CPNE3: variants seen among roughly 807,000 people sequenced by gnomAD.
The protein encoded by CPNE3 is copine 3.
Under a neutral mutation model 63.9 loss-of-function variants are expected in CPNE3, and 68 were observed. The observed-to-expected ratio is 1.06, with a 90% CI of 0.87 to 1.30. The LOEUF is 1.30. Among genes scored for constraint, CPNE3 ranks in the 50% most tolerant of loss-of-function variants. The pLI, the probability that CPNE3 is intolerant of heterozygous loss-of-function variation, is 0.00. For synonymous variants in CPNE3, 219 were observed against 197.5 expected, an observed-to-expected ratio of 1.11 and a Z score of -0.91; for missense variants, 665 against 578.1, an observed-to-expected ratio of 1.15 and a Z score of -1.54.
chr8:86,545,923 T>A (rs1462907229), intron 9 of CPNE3, among the ~76,000 whole-genome samples: 1 of 151,802 alleles, frequency 6.6e-6, no homozygotes, highest in Non-Finnish European at 1.5e-5. Flanking sequence ...TTTAAAGAGG[T>A]AGATAGAGAT....
In CPNE3 at chr8:86,528,558, T is replaced by C; in HGVS notation, c.13T>C (p.Cys5Arg). 1.2e-6 allele frequency: 2 copies of C among 1,613,784 alleles called. No homozygotes were observed. The highest frequency in any genetic ancestry group is 1.3e-5 in the African/African-American group (1 of 75,008). MAAQ[C>R]VTKVALNVSC... Reference sequence around the variant, plus strand: ...CAGAACTCAAGACATGGCTGCCCAGTGTGTCACAAAGGTGGCGCTGAATGT... The same window carrying C: ...CAGAACTCAAGACATGGCTGCCCAGCGTGTCACAAAGGTGGCGCTGAATGT... Residue 5 changes from cysteine to arginine, a missense_variant, in exon 3 of 17, where the codon TGT becomes CGT. Cys to Arg is a radical substitution (Grantham distance 180). Coordinates refer to ENST00000517490, the MANE Select transcript of CPNE3 (RefSeq NM_003909.5).
chr8:86,532,385 A>G (rs1466403086), intron 5 of CPNE3, 124 bp from the exon 6 acceptor site: 4 of 605,016 alleles, frequency 6.6e-6, no homozygotes, highest in African/African-American at 5.7e-5. Flanking sequence ...TTTTCTTATG[A>G]AACATTTTAG....
chr8:86,531,249 C>T lies in CPNE3; in HGVS notation c.387+20C>T, dbSNP rs753822116. 1 of 993,102 alleles carries T rather than the reference C, an allele frequency of 1.0e-6. No homozygotes were observed. The highest frequency in any genetic ancestry group is 1.6e-6 in the Non-Finnish European group (1 of 612,404). 61.5% of individuals were successfully genotyped at this position (993,102 alleles called of 1,614,324 possible). A position where few individuals can be genotyped will look rare whatever the true frequency, so the allele number is the denominator to read the frequency against. ...ATTACGGTAAAAATAAGATATTTGT[C>T]TTTTGTCTCAAAAGATTTAGCATAA... On this transcript the variant is annotated intron_variant, in intron 5 of 16. Coordinates refer to ENST00000517490, the MANE Select transcript of CPNE3 (RefSeq NM_003909.5).
chr8:86,544,144 A>T (rs919900430), intron 8 of CPNE3, among the ~76,000 whole-genome samples: 1 of 151,840 alleles, frequency 6.6e-6, no homozygotes, highest in African/African-American at 2.4e-5. Flanking sequence ...TGGACTAAGT[A>T]CTCTTAGCCT....
chr8:86,531,003 G>A (rs1284444958), intron 4 of CPNE3, 152 bp from the exon 5 acceptor site: 1 of 592,820 alleles, frequency 1.7e-6, no homozygotes, highest in African/African-American at 1.9e-5. Flanking sequence ...TAAATATGTA[G>A]ATGATCTAAA....
intron 8 of CPNE3, among the ~76,000 whole-genome samples, chr8:86,542,167 G>A (rs1820955415): frequency 6.6e-6 from 1 of 152,150 alleles, no homozygotes; most frequent in Non-Finnish European, 1.5e-5. Context: ...AACTTGGTTT[G>A]CTACGTCATC....
chr8:86,531,352 C>A, intron 5 of CPNE3, 123 bp downstream of exon 5: 1 of 670,406 alleles, frequency 1.5e-6, no homozygotes, highest in Non-Finnish European at 2.8e-6. Context: ...ATGTTGCATT[C>A]CATCCACCCA....
chr8:86,523,662 T>C (rs1436880219), intron 2 of CPNE3, among the ~76,000 whole-genome samples: 1 of 152,178 alleles, frequency 6.6e-6, no homozygotes, highest in Admixed American at 6.5e-5. Flanking sequence ...CTCGGCTCAC[T>C]GCAACCTTCA....
At chr8:86,543,406 A>G (rs989913358) in intron 8 of CPNE3, among the ~76,000 whole-genome samples, 2 of 152,210 alleles carry the variant, frequency 1.3e-5, no homozygotes, top group African/African-American at 4.8e-5. Flanking sequence ...ATAAGCATTC[A>G]TTTCATAGAA....
At chr8:86,540,683 G>T (rs942616496) in intron 8 of CPNE3, among the ~76,000 whole-genome samples, 1 of 152,080 alleles carries the variant, frequency 6.6e-6, no homozygotes, top group Non-Finnish European at 1.5e-5. Flanking sequence ...TTTGCCTTTG[G>T]TATGTCTGTT....
chr8:86,520,323 T>C (rs183230891), intron 2 of CPNE3, among the ~76,000 whole-genome samples: 1 of 152,192 alleles, frequency 6.6e-6, no homozygotes. Flanking sequence ...GGTGGGCAGA[T>C]TACAGGCGGA....
At chr8:86,534,014 T>G (rs1221567809) in intron 6 of CPNE3, among the ~76,000 whole-genome samples, 1 of 152,054 alleles carries the variant, frequency 6.6e-6, no homozygotes, top group Non-Finnish European at 1.5e-5. Flanking sequence ...TAGTCCCAGC[T>G]ACTCAGGAGA....
intron 2 of CPNE3, among the ~76,000 whole-genome samples, chr8:86,518,117 G>A (rs1195983328): frequency 6.6e-6 from 1 of 152,138 alleles, no homozygotes. Context: ...TTTGTTCACC[G>A]TGAACTAGAA....
Position 86,529,111 on chromosome 8 carries a change from G to A in CPNE3, c.299G>A (p.Cys100Tyr). 6.2e-7 allele frequency: 1 copy of A among 1,613,280 alleles called. No homozygotes were observed. Among genetic ancestry groups the A allele is most frequent in the East Asian group, 2.2e-5 (1 of 44,844 alleles). The change falls in exon 4 of 17, where the codon TGT becomes TAT. Residue 100 changes from cysteine to tyrosine, a missense_variant. Cys to Tyr is a radical substitution (Grantham distance 194, BLOSUM62 -2). Transcript: ENST00000517490. ...GATGACTTCTTAGGGGAATGTGAAT[G>A]TACCCTTGGACAAGTAAGTATAAAT... ...SDDDFLGECE[C>Y]TLGQIVSSKK...
chr8:86,518,300 A>G (rs868682086), intron 2 of CPNE3, among the ~76,000 whole-genome samples: 7 of 152,190 alleles, frequency 4.6e-5, no homozygotes, highest in South Asian at 4.1e-4. Flanking sequence ...CATCTGGGAA[A>G]TTCCAGAAGG....
intron 16 of CPNE3, 75 bp from the exon 17 acceptor site, chr8:86,558,213 T>G (rs116795883): frequency 4.7e-6 from 4 of 852,862 alleles, no homozygotes; most frequent in East Asian, 4.8e-5. Context: ...GCTGCTGAAG[T>G]ATCCCTAGTC....
At chr8:86,557,432 A>G (rs1821348211) in intron 16 of CPNE3, among the ~76,000 whole-genome samples, 1 of 152,192 alleles carries the variant, frequency 6.6e-6, no homozygotes, top group Non-Finnish European at 1.5e-5. Context: ...CACCGCACCC[A>G]GCCTATTCAT....
chr8:86,516,772 T>A (rs1820322076), intron 2 of CPNE3, among the ~76,000 whole-genome samples: 1 of 152,212 alleles, frequency 6.6e-6, no homozygotes, highest in Non-Finnish European at 1.5e-5. Flanking sequence ...TTTTTCTTAC[T>A]ATTGTTAGAG....
intron 2 of CPNE3, among the ~76,000 whole-genome samples, chr8:86,521,099 T>C (rs968499428): frequency 6.6e-6 from 1 of 152,202 alleles, no homozygotes; most frequent in African/African-American, 2.4e-5. Context: ...AATGTGAGTT[T>C]TTTACTCTCA....
Sources: gnomAD v4.1 joint callset for allele counts (sites outside exome capture counted in the v4.1 genomes callset) on GRCh38, gnomAD v4.1.1 for gene constraint, MANE v1.5 for transcripts, NCBI Gene and HGNC (gene_info 2026-07-23, HGNC 2026-07-21) for gene names.